CACNA1E: variants seen among roughly 807,000 people sequenced by gnomAD.
The protein encoded by CACNA1E is voltage-dependent R-type calcium channel subunit alpha-1E.
In CACNA1E, 40 loss-of-function variants were observed where a neutral mutation model predicts 259.2. That is an observed-to-expected ratio of 0.15 (90% CI 0.12 to 0.20). CACNA1E has a LOEUF of 0.20. CACNA1E is among the 10% of genes least tolerant of loss of function. The pLI, the probability that CACNA1E is intolerant of heterozygous loss-of-function variation, is 1.00. For missense variants in CACNA1E, 1,874 were observed against 3,040.1 expected, an observed-to-expected ratio of 0.62 and a Z score of 9.02; for synonymous variants, 1,104 against 1,138.5, an observed-to-expected ratio of 0.97 and a Z score of 0.61.
chr1:181,516,343 C>CCACACACACACACACACA (rs3080529), intron 3 of CACNA1E, among the ~76,000 whole-genome samples: 3 of 143,332 alleles, frequency 2.1e-5, no homozygotes, highest in African/African-American at 7.8e-5. Flanking sequence ...GTGCCAAAGA[C>CCACACACACACACACACA]CACACACACA....
intron 6 of CACNA1E, 48 bp downstream of exon 6, chr1:181,580,824 A>C (rs1315509998): frequency 6.4e-7 from 1 of 1,570,668 alleles, no homozygotes; most frequent in East Asian, 2.2e-5. Context: ...AGAACCCTGG[A>C]TGGAGGCTTC....
At chr1:181,320,444 A>G (rs1211641448) in intron 1 of CACNA1E, among the ~76,000 whole-genome samples, 2 of 152,170 alleles carry the variant, frequency 1.3e-5, no homozygotes, top group South Asian at 2.1e-4. Context: ...TGTAGTTACC[A>G]TTGATTGATT....
intron 1 of CACNA1E, among the ~76,000 whole-genome samples, chr1:181,495,692 G>A (rs1413279367): frequency 6.6e-6 from 1 of 152,188 alleles, no homozygotes; most frequent in Non-Finnish European, 1.5e-5. Flanking sequence ...CTGAGCCTCA[G>A]TGTCTTCAGA....
At chr1:181,670,758 C>G (rs1200388453) in intron 7 of CACNA1E, among the ~76,000 whole-genome samples, 1 of 152,140 alleles carries the variant, frequency 6.6e-6, no homozygotes, top group African/African-American at 2.4e-5. Context: ...TCCCCATGCC[C>G]CCACCCCACT....
chr1:181,637,407 C>G (rs1657326953), intron 6 of CACNA1E, among the ~76,000 whole-genome samples: 1 of 126,210 alleles, frequency 7.9e-6, no homozygotes, highest in Non-Finnish European at 1.6e-5. Context: ...CTAATCCCTT[C>G]CTCCCTCCCT....
intron 3 of CACNA1E, among the ~76,000 whole-genome samples, chr1:181,560,052 C>A (rs2102882775): frequency 6.6e-6 from 1 of 150,994 alleles, no homozygotes; most frequent in African/African-American, 2.4e-5. Context: ...TATTTGTTGA[C>A]CTTTAGTCAT....
intron 3 of CACNA1E, among the ~76,000 whole-genome samples, chr1:181,567,005 C>T (rs185731446): frequency 6.6e-6 from 1 of 152,122 alleles, no homozygotes; most frequent in East Asian, 1.9e-4. Context: ...TAAGGCAGCT[C>T]CCCACCACCA....
chr1:181,755,237 G>A lies in CACNA1E; in HGVS notation c.3829G>A (p.Ala1277Thr). Residue 1277 changes from alanine to threonine, a missense_variant and splice_region_variant, in exon 28 of 48, where the codon GCC (alanine) becomes ACC (threonine). Ala to Thr is a moderately conservative substitution (Grantham distance 58, BLOSUM62 0). This residue lies in a region of CACNA1E where 188 missense variants were observed against 540.6 expected (regional missense o/e 0.35). Coordinates refer to ENST00000367573, the MANE Select transcript of CACNA1E (RefSeq NM_001205293.3). ...KTIKRLPKLK[A>T]VFDCVVTSLK... ...GCAGGGCTGTTTGCTCTGTCCACAG[G>A]CCGTCTTCGACTGCGTAGTGACCTC... is the stretch of plus-strand genomic sequence containing the variant. 1 of 1,613,060 alleles carries A rather than the reference G, an allele frequency of 6.2e-7. No individual in the cohort carries two copies. The highest frequency in any genetic ancestry group is 8.5e-7 in the Non-Finnish European group (1 of 1,179,396).
chr1:181,545,081 G>A (rs963364893), intron 3 of CACNA1E, among the ~76,000 whole-genome samples: 3 of 151,976 alleles, frequency 2.0e-5, no homozygotes, highest in East Asian at 1.9e-4. Flanking sequence ...CATGGACCAC[G>A]GTAAAAACAT....
chr1:181,780,512 T>C (rs1264327692), intron 38 of CACNA1E, among the ~76,000 whole-genome samples: 1 of 152,078 alleles, frequency 6.6e-6, no homozygotes, highest in Non-Finnish European at 1.5e-5. Context: ...TGACCTAGGC[T>C]CAGGAAGGAT....
At chr1:181,401,000 G>A (rs1309948033) in intron 1 of CACNA1E, among the ~76,000 whole-genome samples, 2 of 152,116 alleles carry the variant, frequency 1.3e-5, no homozygotes, top group East Asian at 1.9e-4. Context: ...AAAAGGCAAA[G>A]GCCCTCTGTG....
intron 1 of CACNA1E, among the ~76,000 whole-genome samples, chr1:181,322,340 G>A (rs950364459): frequency 3.3e-5 from 5 of 152,138 alleles, no homozygotes; most frequent in Non-Finnish European, 7.4e-5. Context: ...GAGAGACATG[G>A]TCTTTGTCCT....
chr1:181,569,810 A>G (rs1332415955), intron 3 of CACNA1E, among the ~76,000 whole-genome samples: 2 of 152,238 alleles, frequency 1.3e-5, no homozygotes, highest in East Asian at 3.8e-4. Context: ...AGAAGGAGCC[A>G]TAGTGTGTGG....
chr1:181,752,351 A>G, intron 27 of CACNA1E, 112 bp downstream of exon 27: 2 of 770,386 alleles, frequency 2.6e-6, no homozygotes, highest in East Asian at 5.1e-5. Context: ...TTTTTCTCAC[A>G]CGGATATCGA....
chr1:181,488,703 T>A (rs891603313), intron 1 of CACNA1E, among the ~76,000 whole-genome samples: 1 of 152,182 alleles, frequency 6.6e-6, no homozygotes, highest in African/African-American at 2.4e-5. Context: ...GGTTTGCATG[T>A]CATTATTTCT....
intron 6 of CACNA1E, among the ~76,000 whole-genome samples, chr1:181,608,474 A>G (rs985219216): frequency 6.6e-6 from 1 of 152,168 alleles, no homozygotes; most frequent in African/African-American, 2.4e-5. Flanking sequence ...AGTTGTTTCC[A>G]CAGAGGAGAT....
chr1:181,397,144 G>T (rs1215545783), intron 1 of CACNA1E, among the ~76,000 whole-genome samples: 2 of 152,178 alleles, frequency 1.3e-5, no homozygotes, highest in Non-Finnish European at 2.9e-5. Context: ...AAGGGCAGAG[G>T]TCTACAGGAG....
intron 2 of CACNA1E, among the ~76,000 whole-genome samples, chr1:181,451,635 T>A (rs28452634): frequency 0.094 from 14,226 of 152,076 alleles, 824 homozygotes; most frequent in South Asian, 0.19. Context: ...TGAGCTGAGA[T>A]CATGCCACTG....
At chr1:181,691,507 A>G (rs1486707341) in intron 7 of CACNA1E, among the ~76,000 whole-genome samples, 2 of 152,136 alleles carry the variant, frequency 1.3e-5, no homozygotes, top group Non-Finnish European at 2.9e-5. Flanking sequence ...AGTAAATTCA[A>G]TAACTTGGAT....
Sources: allele counts gnomAD v4.1 joint callset (sites outside exome capture counted in the v4.1 genomes callset), GRCh38; gene constraint gnomAD v4.1.1; regional missense constraint gnomAD v4.1.1; transcripts MANE v1.5; gene names NCBI Gene and HGNC (gene_info 2026-07-23, HGNC 2026-07-21).